VAC14: variants seen among roughly 807,000 people sequenced by gnomAD.
VAC14 encodes the protein protein VAC14 homolog.
In VAC14, 47 loss-of-function variants were observed where a neutral mutation model predicts 85.3. The ratio of observed to expected loss-of-function variants is 0.55; its 90% CI spans 0.44 to 0.70. The LOEUF (loss-of-function observed/expected upper bound fraction) is 0.70. VAC14 is among the 30% of genes least tolerant of loss of function. VAC14 has a pLI of 0.00. For synonymous variants in VAC14, 447 were observed against 430.5 expected (o/e 1.04, Z -0.47); for missense variants, 861 against 1,004.3 (o/e 0.86, Z 1.93).
rs1283266982 is a variant in VAC14, at chr16:70,690,307, C to A, written c.2187-2217G>T. On this transcript the variant is annotated intron_variant, in intron 18 of 18. Transcript: ENST00000261776. ...GGCTGCTGAGCACAGAGGCCAGGCC[C>A]GCTCTCCCTGCCCCACCTAATGCAG... is the stretch of plus-strand genomic sequence containing the variant. 3 of 985,378 alleles carry A rather than the reference C, an allele frequency of 3.0e-6. No homozygotes were observed. In the East Asian group the frequency reaches 3.4e-4, roughly 112 times the overall value. The allele number at this position is 985,378 out of a possible 1,614,324, so 61.0% of individuals were successfully genotyped here. A position where few individuals can be genotyped will look rare whatever the true frequency, so the allele number is the denominator to read the frequency against.
intron 14 of VAC14, among the ~76,000 whole-genome samples, chr16:70,709,287 C>A (rs182208159): frequency 9.9e-5 from 15 of 152,218 alleles, no homozygotes; most frequent in Admixed American, 9.8e-4. Flanking sequence ...CCCCTTTGTC[C>A]CCCAACAAGC....
chr16:70,760,612 C>T (rs2032251232), intron 12 of VAC14, among the ~76,000 whole-genome samples: 1 of 152,122 alleles, frequency 6.6e-6, no homozygotes, highest in South Asian at 2.1e-4. Flanking sequence ...AGACGTGCCC[C>T]AAAACCCTGA....
chr16:70,721,176 G>A (rs1272162148), intron 14 of VAC14, among the ~76,000 whole-genome samples: 1 of 152,224 alleles, frequency 6.6e-6, no homozygotes, highest in African/African-American at 2.4e-5. Context: ...CAGACCAGAA[G>A]TGGGCCAGAA....
Position 70,698,772 on chromosome 16 carries a change from G to A in VAC14, c.1701C>T (p.His567=). ...CLLLNAENIF[H]SMADILLREE... is the part of the protein sequence containing the mutation. Reference sequence around the variant, plus strand: ...CCCGCAGCAGGATGTCTGCCATTGAGTGGAAGATGTTCTCCGCATTCAGCA... The same window carrying A: ...CCCGCAGCAGGATGTCTGCCATTGAATGGAAGATGTTCTCCGCATTCAGCA... Residue 567 remains histidine (H), a synonymous_variant, in exon 15 of 19, where the codon CAC becomes CAT. Transcript: ENST00000261776. 6.2e-7 allele frequency: 1 copy of A among 1,614,182 alleles called. No individual in the cohort carries two copies. The highest frequency in any genetic ancestry group is 8.5e-7 in the Non-Finnish European group (1 of 1,180,028).
At chr16:70,739,266 A>T (rs2030020114) in intron 13 of VAC14, among the ~76,000 whole-genome samples, 1 of 152,146 alleles carries the variant, frequency 6.6e-6, no homozygotes, top group Non-Finnish European at 1.5e-5. Context: ...AGTGCTCGTG[A>T]TCCCTACTGC....
intron 12 of VAC14, chr16:70,756,096 G>C (rs1395800669): frequency 2.2e-6 from 1 of 456,698 alleles, no homozygotes; most frequent in African/African-American, 2.0e-5. Context: ...AGGTAAGGGA[G>C]TACATCTGTG....
chr16:70,782,065 T>C (rs2143250099), intron 7 of VAC14, 62 bp from the exon 8 acceptor site: 1 of 1,586,920 alleles, frequency 6.3e-7, no homozygotes, highest in Non-Finnish European at 8.6e-7. Context: ...CTCCCTCCCA[T>C]TGACCATACA....
chr16:70,742,231 G>A (rs1039997426), intron 13 of VAC14, among the ~76,000 whole-genome samples: 11 of 152,112 alleles, frequency 7.2e-5, no homozygotes, highest in African/African-American at 2.7e-4. Context: ...AGGGAGAGCC[G>A]AGGGTGCACC....
intron 14 of VAC14, among the ~76,000 whole-genome samples, chr16:70,709,430 C>G (rs148475597): frequency 9.5e-4 from 144 of 152,294 alleles, no homozygotes; most frequent in Non-Finnish European, 1.7e-3. Context: ...TCCTGTGGCT[C>G]CGGGGCAGCA....
At position 70,687,821 on chromosome 16, in the gene VAC14, G is replaced by A. The variant is rs1278066589; in HGVS notation, c.*107C>T. 8 of 1,245,534 alleles carry A rather than the reference G, an allele frequency of 6.4e-6. No homozygotes were observed. Among genetic ancestry groups the A allele is most frequent in the Non-Finnish European group, 8.3e-6 (8 of 969,578 alleles). The allele number at this position is 1,245,534 out of a possible 1,614,324, so 77.2% of individuals were successfully genotyped here. On this transcript the variant is annotated 3_prime_UTR_variant, in exon 19 of 19. Coordinates refer to ENST00000261776, the MANE Select transcript of VAC14 (RefSeq NM_018052.5). The stretch of plus-strand genomic sequence containing the variant: ...CCCCAACACTGCCCTGGGTTGGCAG[G>A]CCCAGCCCTGGTCCTGACAGGCAGG...
chr16:70,794,338 T>C (rs1172427332), intron 1 of VAC14, among the ~76,000 whole-genome samples: 1 of 152,248 alleles, frequency 6.6e-6, no homozygotes, highest in East Asian at 1.9e-4. Flanking sequence ...TCTGTTTCTA[T>C]AGATTTGCCT....
intron 14 of VAC14, among the ~76,000 whole-genome samples, chr16:70,730,886 T>G (rs1409688532): frequency 6.6e-6 from 1 of 152,158 alleles, no homozygotes; most frequent in Non-Finnish European, 1.5e-5. Flanking sequence ...CACCTGGCTT[T>G]GGTGTAGAAG....
At chr16:70,760,962 G>GGGGGGTGTGTGTGT in intron 12 of VAC14, among the ~76,000 whole-genome samples, 1 of 47,628 alleles carries the variant, frequency 2.1e-5, no homozygotes, top group South Asian at 1.2e-3. Flanking sequence ...ACGAAGAGAG[G>GGGGGGTGTGTGTGT]GTGTGTGTGT....
chr16:70,725,225 C>G (rs1044889592), intron 14 of VAC14, among the ~76,000 whole-genome samples: 1 of 152,218 alleles, frequency 6.6e-6, no homozygotes, highest in African/African-American at 2.4e-5. Context: ...GAGGGGGTCC[C>G]GATGCCAAAT....
At chr16:70,700,710 C>T (rs1044574895) in intron 14 of VAC14, among the ~76,000 whole-genome samples, 4 of 152,330 alleles carry the variant, frequency 2.6e-5, no homozygotes, top group African/African-American at 4.8e-5. Context: ...TGGCCCCTCC[C>T]GGTCCCCCAA....
In VAC14 at chr16:70,762,638, T is replaced by C. The variant is rs761743127; in HGVS notation, c.1306-33A>G. 1.2e-5 allele frequency: 19 copies of C among 1,609,632 alleles called. No individual in the cohort carries two copies. The East Asian group carries it at 4.2e-4, about 36-fold the overall frequency. The stretch of plus-strand genomic sequence containing the variant: ...GCAGAGAAGCAGGGGTGCCCGTGAG[T>C]GCTCCCTTCGCCCCGGGACTACGTG... On this transcript the variant is annotated intron_variant, in intron 11 of 18. Coordinates refer to ENST00000261776, the MANE Select transcript of VAC14 (RefSeq NM_018052.5). This position sits in a 1 kb window ranked among gnomAD's most constrained non-coding sequence, Gnocchi z 4.1.
intron 12 of VAC14, among the ~76,000 whole-genome samples, chr16:70,749,618 G>A (rs1235442732): frequency 1.3e-5 from 2 of 152,210 alleles, no homozygotes; most frequent in South Asian, 2.1e-4. Flanking sequence ...GCAGGACCCC[G>A]AAACAGCATC....
At chr16:70,697,118 C>T in intron 16 of VAC14, 21 bp downstream of exon 16, 1 of 1,603,086 alleles carries the variant, frequency 6.2e-7, no homozygotes, top group East Asian at 2.2e-5. Flanking sequence ...TCAACCCCAA[C>T]CACAGTGAGA....
At chr16:70,688,147 T>G in intron 18 of VAC14, 57 bp from the exon 19 acceptor site, 1 of 1,433,034 alleles carries the variant, frequency 7.0e-7, no homozygotes, top group Non-Finnish European at 9.3e-7. Flanking sequence ...GGGGGGTTAC[T>G]GCTGGAGGGC....
Sources: allele counts gnomAD v4.1 joint callset (sites outside exome capture counted in the v4.1 genomes callset), GRCh38; gene constraint gnomAD v4.1.1; non-coding constraint Gnocchi (gnomAD v3.1); transcripts MANE v1.5; gene names NCBI Gene and HGNC (gene_info 2026-07-23, HGNC 2026-07-21).